Variants in CTSB observed in about 807,000 individuals in gnomAD.
CTSB encodes the protein cathepsin B.
In CTSB, 57 loss-of-function variants were observed where a neutral mutation model predicts 44.3. The ratio of observed to expected loss-of-function variants is 1.29; its 90% CI spans 1.04 to 1.60. The LOEUF is 1.60. Among genes scored for constraint, CTSB ranks in the 40% most tolerant of loss-of-function variants. The pLI, the probability that CTSB is intolerant of heterozygous loss-of-function variation, is 0.00. For synonymous variants in CTSB, 320 were observed against 168.0 expected (o/e 1.91, Z -7.00); for missense variants, 768 against 443.0 (o/e 1.73, Z -6.59).
At chr8:11,847,871 A>AAGCCCCAGCTGGTCGAGGC in intron 6 of CTSB, 49 bp from the exon 7 acceptor site, 1 of 1,555,122 alleles carries the variant, frequency 6.4e-7, no homozygotes, top group Non-Finnish European at 8.7e-7. Flanking sequence ...CCCCACGGAG[A>AAGCCCCAGCTGGTCGAGGC]AGACCTGGGG....
rs4987129 is a variant in CTSB at position 11,844,730 on chromosome 8, C to G, written c.*395G>C. ...TGATTTCTGTGACAAATGTGGAAAGCTACTTGCTTGGAGGTACTGGGGGAA... is the reference window on the plus strand; with the variant it reads ...TGATTTCTGTGACAAATGTGGAAAGGTACTTGCTTGGAGGTACTGGGGGAA... On this transcript the variant is annotated 3_prime_UTR_variant, in exon 10 of 10. Transcript: ENST00000353047. The G allele has an allele frequency of 1.2e-3, 206 of 175,360 alleles. No homozygotes were observed. The highest frequency in any genetic ancestry group is 3.5e-3 in the African/African-American group (147 of 42,550). The allele number at this position is 175,360 out of a possible 1,614,324, so 10.9% of individuals were successfully genotyped here. A position where few individuals can be genotyped will look rare whatever the true frequency, so the allele number is the denominator to read the frequency against.
At chr8:11,853,263 C>G (rs1814925207) in intron 2 of CTSB, 66 bp downstream of exon 2, 4 of 1,585,360 alleles carry the variant, frequency 2.5e-6, no homozygotes, top group Non-Finnish European at 3.4e-6. Context: ...GCTTCCCATT[C>G]CTGGAGTCAG....
chr8:11,854,391 G>A (rs1436100631), intron 1 of CTSB, among the ~76,000 whole-genome samples: 2 of 152,064 alleles, frequency 1.3e-5, no homozygotes, highest in Non-Finnish European at 2.9e-5. Flanking sequence ...GCACCTAGGG[G>A]TTCTATCTGA....
chr8:11,845,456 T>A (rs1230918100), intron 9 of CTSB, among the ~76,000 whole-genome samples: 1 of 152,184 alleles, frequency 6.6e-6, no homozygotes, highest in African/African-American at 2.4e-5. Context: ...TGGGAACTGT[T>A]GCAGGCGTTG....
chr8:11,857,713 C>T (rs1024513730), intron 1 of CTSB: 3 of 152,394 alleles, frequency 2.0e-5, no homozygotes, highest in African/African-American at 7.2e-5. Context: ...ACCCGCCCTC[C>T]TTTTCATGGT....
At position 11,845,241 on chromosome 8, in the gene CTSB, G is replaced by C. The variant is rs775848157; in HGVS notation, c.923-19C>G. Reference sequence around the variant, plus strand: ...AAGAAGCCTGGGAATAAAAAGTAAGGTGCTTTTAAAGTGTGACAAGGGTCA... The same window carrying C: ...AAGAAGCCTGGGAATAAAAAGTAAGCTGCTTTTAAAGTGTGACAAGGGTCA... On this transcript the variant is annotated intron_variant, in intron 9 of 9. Transcript: ENST00000353047. The C allele has an allele frequency of 6.3e-7, 1 of 1,583,864 alleles. No homozygotes were observed. Among genetic ancestry groups the C allele is most frequent in the South Asian group, 1.1e-5 (1 of 90,206 alleles).
rs1286315395 is a variant in CTSB at position 11,842,564 on chromosome 8, TCTA to T, written c.*2558_*2560del. On this transcript the variant is annotated 3_prime_UTR_variant, in exon 10 of 10. Coordinates refer to ENST00000353047, the MANE Select transcript of CTSB (RefSeq NM_001908.5). ...AACTTTATTGAGGTTATGAATATAT[TCTA>T]CTTGAAACTGGAAGGATAAGTGGTT... The T allele has an allele frequency of 6.6e-6, 1 of 152,200 alleles. No homozygotes were observed. The highest frequency in any genetic ancestry group is 1.9e-4 in the East Asian group (1 of 5,198). 9.4% of individuals were successfully genotyped at this position (152,200 alleles called of 1,614,324 possible).
intron 1 of CTSB, among the ~76,000 whole-genome samples, chr8:11,861,880 T>C (rs766312609): frequency 6.6e-6 from 1 of 151,992 alleles, no homozygotes; most frequent in African/African-American, 2.4e-5. Context: ...TACACCAGGG[T>C]AGTTGAGGCT....
chr8:11,846,135 G>T lies in CTSB; in HGVS notation c.794-346C>A, dbSNP rs62495681. The T allele has an allele frequency of 5.9e-3, 1,005 of 170,936 alleles. 4 individuals are homozygous for T. The highest frequency in any genetic ancestry group is 0.012 in the Admixed American group (189 of 15,620). 10.6% of individuals were successfully genotyped at this position (170,936 alleles called of 1,614,324 possible). A position where few individuals can be genotyped will look rare whatever the true frequency, so the allele number is the denominator to read the frequency against. On this transcript the variant is annotated intron_variant, in intron 8 of 9. Coordinates refer to ENST00000353047, the MANE Select transcript of CTSB (RefSeq NM_001908.5). ...TATACTGGGATTCCATGTAAGTAAG[G>T]GTTTGTCAAAAGCGTTACACGGCTT... is the stretch of plus-strand genomic sequence containing the variant.
At chr8:11,845,533 G>A (rs927627677) in intron 9 of CTSB, 128 bp downstream of exon 9, 2 of 1,161,884 alleles carry the variant, frequency 1.7e-6, no homozygotes, top group African/African-American at 1.5e-5. Flanking sequence ...GCACTTAGGA[G>A]GAGCTCACAG....
intron 9 of CTSB, 132 bp downstream of exon 9, chr8:11,845,529 A>T (rs1266734115): frequency 8.9e-7 from 1 of 1,121,226 alleles, no homozygotes; most frequent in Non-Finnish European, 1.3e-6. Flanking sequence ...CCTGGCACTT[A>T]GGAGGAGCTC....
intron 5 of CTSB, chr8:11,848,432 CT>C: frequency 1.8e-6 from 1 of 550,650 alleles, no homozygotes. Flanking sequence ...TACGAGTGCC[CT>C]TCCGGGTAGA....
At position 11,845,179 on chromosome 8, in the gene CTSB, T is replaced by C; in HGVS notation, c.966A>G (p.Glu322=). 1 of 1,614,086 alleles carries C rather than the reference T, an allele frequency of 6.2e-7. No homozygotes were observed. Among genetic ancestry groups the C allele is most frequent in the Non-Finnish European group, 8.5e-7 (1 of 1,179,938 alleles). Reference sequence around the variant, plus strand: ...GTGGAATTCCAGCCACCACTTCTGATTCGATTCCACAGTGATCCTGTCCTC... The same window carrying C: ...GTGGAATTCCAGCCACCACTTCTGACTCGATTCCACAGTGATCCTGTCCTC... ...ILRGQDHCGI[E]SEVVAGIPRT... The change falls in exon 10 of 10, where the codon GAA becomes GAG. Residue 322 remains glutamate (E), a synonymous_variant. Transcript: ENST00000353047.
chr8:11,860,151 A>G (rs1816198149), intron 1 of CTSB, among the ~76,000 whole-genome samples: 2 of 152,236 alleles, frequency 1.3e-5, no homozygotes, highest in Admixed American at 6.5e-5. Context: ...TCTGTAAAGG[A>G]TTTAAGGAGA....
At chr8:11,845,941 C>CAATACTGGGGAATTAAATATATTTTTG (rs1813241647) in intron 8 of CTSB, 152 bp from the exon 9 acceptor site, 2 of 805,192 alleles carry the variant, frequency 2.5e-6, no homozygotes, top group Non-Finnish European at 3.6e-6. Context: ...GGGGGTCCCA[C>CAATACTGGGGAATTAAATATATTTTTG]AATACTGGGG....
chr8:11,853,644 C>A, intron 1 of CTSB, 165 bp from the exon 2 acceptor site: 1 of 647,046 alleles, frequency 1.5e-6, no homozygotes, highest in South Asian at 2.5e-5. Context: ...CGCCCCCCTG[C>A]CCGAAGCACG....
At chr8:11,856,708 G>C (rs1815578168) in intron 1 of CTSB, among the ~76,000 whole-genome samples, 1 of 152,182 alleles carries the variant, frequency 6.6e-6, no homozygotes, top group African/African-American at 2.4e-5. Flanking sequence ...AGCTGTGGGT[G>C]ACTGAGGACC....
chr8:11,847,031 C>G (rs747308699), intron 8 of CTSB, 21 bp downstream of exon 8: 1 of 1,045,796 alleles, frequency 9.6e-7, no homozygotes, highest in Admixed American at 1.7e-5. Flanking sequence ...CCCTCTATTG[C>G]CATCAGCCAT....
intron 8 of CTSB, among the ~76,000 whole-genome samples, chr8:11,846,796 TG>T (rs1326523683): frequency 1.3e-5 from 2 of 151,460 alleles, no homozygotes; most frequent in African/African-American, 2.4e-5. Context: ...CGCTAATGGA[TG>T]GGAAGGAACT....
Sources: gnomAD v4.1 joint callset for allele counts (sites outside exome capture counted in the v4.1 genomes callset) on GRCh38, gnomAD v4.1.1 for gene constraint, MANE v1.5 for transcripts, NCBI Gene and HGNC (gene_info 2026-07-23, HGNC 2026-07-21) for gene names.